The following PLET1 variants were observed in gnomAD, a reference collection of about 807,000 sequenced individuals.
The protein encoded by PLET1 is placenta-expressed transcript 1 protein.
In PLET1, 20 loss-of-function variants were observed where a neutral mutation model predicts 18.5. The ratio of observed to expected loss-of-function variants is 1.08; its 90% CI spans 0.76 to 1.57. PLET1 has a LOEUF of 1.57. Ranked by LOEUF, PLET1 falls within the 40% of genes most tolerant of loss-of-function variation. PLET1 has a pLI of 0.00. For missense variants in PLET1, 256 were observed against 246.4 expected (o/e 1.04, Z -0.26); for synonymous variants, 93 against 93.8 (o/e 0.99, Z 0.05).
intron 1 of PLET1, among the ~76,000 whole-genome samples, chr11:112,259,899 G>A (rs10160579): frequency 0.037 from 5,618 of 152,118 alleles, 360 homozygotes; most frequent in African/African-American, 0.13. Context: ...TTAGCCAGGC[G>A]TGGTGGTGTG....
At chr11:112,250,677 C>T (rs1860146558) in intron 3 of PLET1, among the ~76,000 whole-genome samples, 1 of 152,174 alleles carries the variant, frequency 6.6e-6, no homozygotes, top group Non-Finnish European at 1.5e-5. Context: ...TGAGGACACC[C>T]TACTCTGTAA....
At chr11:112,254,340 G>T (rs1321794492) in intron 2 of PLET1, among the ~76,000 whole-genome samples, 1 of 147,160 alleles carries the variant, frequency 6.8e-6, no homozygotes, top group African/African-American at 2.5e-5. Context: ...GGTGGTGTGT[G>T]GTGTGTGTGT....
rs1309189677 is a variant in PLET1, at chr11:112,260,699, C to T, written c.-110G>A. The T allele has an allele frequency of 2.1e-6, 2 of 931,276 alleles. No homozygotes were observed. The highest frequency in any genetic ancestry group is 2.7e-5 in the East Asian group (1 of 37,694). 57.7% of individuals were successfully genotyped at this position (931,276 alleles called of 1,614,324 possible). On this transcript the variant is annotated 5_prime_UTR_variant, in exon 1 of 4. Coordinates refer to ENST00000338832, the MANE Select transcript of PLET1 (RefSeq NM_001145024.1). ...GTGAAGTCATACATGCAGATCTTCT[C>T]CCTGCCCCTTCTGAATATACATTGG...
intron 1 of PLET1, among the ~76,000 whole-genome samples, chr11:112,258,003 C>G (rs1379745076): frequency 6.6e-6 from 1 of 152,158 alleles, no homozygotes; most frequent in African/African-American, 2.4e-5. Flanking sequence ...TCATTTGTAT[C>G]ATGAGTCAAT....
rs1463676216 is a variant in PLET1, at chr11:112,255,381, T to TTC, written c.386+5_386+6dup. 1.3e-6 allele frequency: 2 copies of TTC among 1,551,848 alleles called. No homozygotes were observed. The highest frequency in any genetic ancestry group is 2.7e-5 in the African/African-American group (2 of 72,992). On this transcript the variant is annotated splice_region_variant and intron_variant, in intron 2 of 3. Coordinates refer to ENST00000338832, the MANE Select transcript of PLET1 (RefSeq NM_001145024.1). The stretch of plus-strand genomic sequence containing the variant: ...AAAGCCCAAAGCAAAGCAAGCTAGG[T>TTC]TCTTACTGTATCTCCACTTCAGTTA...
intron 2 of PLET1, among the ~76,000 whole-genome samples, chr11:112,253,366 T>G (rs533800993): frequency 7.2e-5 from 11 of 152,272 alleles, no homozygotes; most frequent in Admixed American, 5.2e-4. Flanking sequence ...AGTCCCCTGC[T>G]TTCTGCATTC....
Position 112,255,558 on chromosome 11 carries a change from A to G in PLET1, c.216T>C (p.Ala72=), listed in dbSNP as rs1179758582. The G allele has an allele frequency of 6.4e-7, 1 of 1,551,398 alleles. No individual in the cohort carries two copies. The highest frequency in any genetic ancestry group is 8.7e-7 in the Non-Finnish European group (1 of 1,146,810). The change falls in exon 2 of 4, where the codon GCT becomes GCC. Residue 72 remains alanine, a synonymous_variant. Transcript: ENST00000338832. ...TCTCGTCCAAGGTTTTCATGACCACAGCATAGACGCTGTCATTCACGGGAA... is the reference window on the plus strand; with the variant it reads ...TCTCGTCCAAGGTTTTCATGACCACGGCATAGACGCTGTCATTCACGGGAA... ...VFVPVNDSVY[A]VVMKTLDENS...
intron 1 of PLET1, among the ~76,000 whole-genome samples, chr11:112,258,024 G>A (rs934991139): frequency 6.6e-6 from 1 of 152,194 alleles, no homozygotes; most frequent in Admixed American, 6.5e-5. Context: ...TTGCCACAGA[G>A]CTTTTGCAGC....
intron 3 of PLET1, among the ~76,000 whole-genome samples, chr11:112,251,058 T>C (rs1456654976): frequency 6.6e-6 from 1 of 152,202 alleles, no homozygotes; most frequent in Non-Finnish European, 1.5e-5. Context: ...GAGGACCACC[T>C]GTTGTTGGAC....
chr11:112,256,929 A>G (rs1860230420), intron 1 of PLET1, among the ~76,000 whole-genome samples: 1 of 152,036 alleles, frequency 6.6e-6, no homozygotes, highest in African/African-American at 2.4e-5. Flanking sequence ...CTTCCTTCCT[A>G]GGCACCTATA....
In PLET1 at chr11:112,248,931, G is replaced by A. The variant is rs1341820826; in HGVS notation, c.492C>T (p.Ala164=). 6.4e-7 allele frequency: 1 copy of A among 1,551,170 alleles called. No individual in the cohort carries two copies. Among genetic ancestry groups the A allele is most frequent in the Non-Finnish European group, 8.7e-7 (1 of 1,146,998 alleles). The change falls in exon 4 of 4, where the codon GCC becomes GCT. Residue 164 remains alanine (A), a synonymous_variant. Transcript: ENST00000338832. ...ALAAKIPQSS[A]FKPFFMITPK... is the part of the protein sequence containing the mutation. ...GTGTAATCATGAAGAAAGGCTTGAA[G>A]GCTGAGCTCTGGGGAATCTTGGCAG...
intron 1 of PLET1, among the ~76,000 whole-genome samples, chr11:112,257,435 C>T (rs942304872): frequency 3.3e-5 from 5 of 150,174 alleles, no homozygotes; most frequent in Non-Finnish European, 5.9e-5. Flanking sequence ...GTGCTATGTG[C>T]TGTGGTTTCA....
intron 1 of PLET1, 191 bp downstream of exon 1, chr11:112,260,215 G>A: frequency 1.7e-6 from 1 of 584,566 alleles, no homozygotes; most frequent in Non-Finnish European, 2.8e-6. Context: ...AGTTCACAAG[G>A]AATTTGCAGA....
At chr11:112,250,220 CTTTTTTTT>C (rs33963716) in intron 3 of PLET1, among the ~76,000 whole-genome samples, 2 of 49,862 alleles carry the variant, frequency 4.0e-5, no homozygotes, top group African/African-American at 1.6e-4. Flanking sequence ...AGAAACAAAC[CTTTTTTTT>C]TTTTTTTTTT....
At position 112,253,696 on chromosome 11, in the gene PLET1, C is replaced by T. The variant is rs541321817; in HGVS notation, c.387-1287G>A. ...TTGTAGTAGCTCCCATTGGGTTCTA[C>T]TCTTGCAGTCACTCTGTGGGCACAA... is the stretch of plus-strand genomic sequence containing the variant. On this transcript the variant is annotated intron_variant, in intron 2 of 3. Coordinates refer to ENST00000338832, the MANE Select transcript of PLET1 (RefSeq NM_001145024.1). 7.3e-4 allele frequency among the ~76,000 whole-genome samples: 111 copies of T among 152,356 alleles called. 1 individual carries two copies. Among genetic ancestry groups the T allele is most frequent in the African/African-American group, 2.5e-3 (104 of 41,584 alleles).
At chr11:112,251,710 C>G in intron 3 of PLET1, among the ~76,000 whole-genome samples, 1 of 152,148 alleles carries the variant, frequency 6.6e-6, no homozygotes, top group South Asian at 2.1e-4. Context: ...CTGCACCCAG[C>G]CTTAAATTTG....
intron 1 of PLET1, chr11:112,260,133 A>C (rs1462451237): frequency 2.7e-6 from 1 of 375,106 alleles, no homozygotes; most frequent in African/African-American, 2.0e-5. Flanking sequence ...TAAGTCAGAG[A>C]ATCTACCCCA....
rs772001765 is a variant in PLET1, at chr11:112,252,234, A to G, written c.448+114T>C. On this transcript the variant is annotated intron_variant, in intron 3 of 3. Transcript: ENST00000338832. ...AGGTGCAGGGAGACTCAACTGATAG[A>G]TAGCTGAGTGATGCGTGGTAAGAAG... 104 of 905,812 alleles carry G rather than the reference A, an allele frequency of 1.1e-4. 2 individuals carry two copies. In the South Asian group the frequency reaches 1.2e-3, roughly 11 times the overall value. 56.1% of individuals were successfully genotyped at this position (905,812 alleles called of 1,614,324 possible).
In PLET1 at chr11:112,252,333, T is replaced by C. The variant is rs1860164727; in HGVS notation, c.448+15A>G. 2 of 1,547,268 alleles carry C rather than the reference T, an allele frequency of 1.3e-6. No homozygotes were observed. The highest frequency in any genetic ancestry group is 1.7e-6 in the Non-Finnish European group (2 of 1,143,104). On this transcript the variant is annotated intron_variant, in intron 3 of 3. Transcript: ENST00000338832. ...TTCATTGCAAGACTTGCAAATGGGC[T>C]GCAAAGGAACTCACGTTTTTCTCTT...
Sources: gnomAD v4.1 joint callset for allele counts (sites outside exome capture counted in the v4.1 genomes callset) on GRCh38, gnomAD v4.1.1 for gene constraint, MANE v1.5 for transcripts, NCBI Gene and HGNC (gene_info 2026-07-23, HGNC 2026-07-21) for gene names.